DOCK1: variants seen among roughly 807,000 people sequenced by gnomAD.
The protein encoded by DOCK1 is dedicator of cytokinesis 1.
A neutral mutation model predicts 262.7 loss-of-function variants in DOCK1; 138 were observed. That is an observed-to-expected ratio of 0.53 (90% CI 0.46 to 0.61). The LOEUF is 0.61. Ranked by LOEUF, DOCK1 falls within the 20% of genes least tolerant of loss-of-function variation. The pLI, the probability that DOCK1 is intolerant of heterozygous loss-of-function variation, is 0.00. For synonymous variants in DOCK1, 866 were observed against 867.4 expected, an observed-to-expected ratio of 1.00 and a Z score of 0.03; for missense variants, 1,908 against 2,370.7, an observed-to-expected ratio of 0.80 and a Z score of 4.05.
At chr10:127,303,275 A>T (rs1347116691) in intron 29 of DOCK1, among the ~76,000 whole-genome samples, 1 of 152,158 alleles carries the variant, frequency 6.6e-6, no homozygotes, top group African/African-American at 2.4e-5. Context: ...ACCTAATAGG[A>T]TTCTTCCTGA....
intron 18 of DOCK1, 132 bp downstream of exon 18, chr10:127,032,452 G>A: frequency 2.1e-6 from 2 of 956,064 alleles, no homozygotes; most frequent in South Asian, 4.1e-5. Context: ...ATTGCATCGG[G>A]CTGTGATGAT....
intron 4 of DOCK1, among the ~76,000 whole-genome samples, chr10:126,986,063 A>G (rs867282482): frequency 6.6e-6 from 1 of 152,088 alleles, no homozygotes; most frequent in African/African-American, 2.4e-5. Context: ...CATGTTGGCC[A>G]GGCTGGTCTC....
chr10:126,911,113 A>G (rs12255520), intron 1 of DOCK1, among the ~76,000 whole-genome samples: 4,507 of 152,270 alleles, frequency 0.03, 232 homozygotes, highest in African/African-American at 0.1. Context: ...GCTTTTTAAG[A>G]AACTGCCAAA....
At chr10:127,310,531 G>T (rs1383717286) in intron 29 of DOCK1, among the ~76,000 whole-genome samples, 2 of 152,192 alleles carry the variant, frequency 1.3e-5, no homozygotes, top group East Asian at 1.9e-4. Flanking sequence ...CTTAAACTGT[G>T]CATTTTGTAA....
At chr10:127,321,846 T>C (rs567219940) in intron 29 of DOCK1, among the ~76,000 whole-genome samples, 2 of 152,116 alleles carry the variant, frequency 1.3e-5, no homozygotes, top group South Asian at 2.1e-4. Flanking sequence ...CTCACACCTG[T>C]AATCCCAGCA....
At chr10:127,336,747 G>A (rs1438039295) in intron 29 of DOCK1, among the ~76,000 whole-genome samples, 1 of 152,022 alleles carries the variant, frequency 6.6e-6, no homozygotes, top group Non-Finnish European at 1.5e-5. Flanking sequence ...CACTGTGTTA[G>A]CCAGGATGGT....
At chr10:127,386,633 G>T (rs1387171668) in intron 38 of DOCK1, among the ~76,000 whole-genome samples, 1 of 151,854 alleles carries the variant, frequency 6.6e-6, no homozygotes, top group Non-Finnish European at 1.5e-5. Flanking sequence ...CTAGTTGCAA[G>T]AAAACAAGTT....
chr10:127,035,875 A>G (rs866356296), intron 18 of DOCK1, among the ~76,000 whole-genome samples: 7 of 151,998 alleles, frequency 4.6e-5, no homozygotes, highest in Middle Eastern at 3.4e-3. Context: ...GGTGGCGTGC[A>G]CCTGTAGCCC....
chr10:127,179,491 G>A (rs2055512131), intron 27 of DOCK1, among the ~76,000 whole-genome samples: 1 of 152,196 alleles, frequency 6.6e-6, no homozygotes, highest in South Asian at 2.1e-4. Flanking sequence ...AGGAATTTTT[G>A]TGGCTGGTTT....
chr10:127,094,169 G>A (rs1336842387), intron 23 of DOCK1, among the ~76,000 whole-genome samples: 1 of 152,182 alleles, frequency 6.6e-6, no homozygotes, highest in Non-Finnish European at 1.5e-5. Flanking sequence ...ACTCCAGCCT[G>A]GGCGACGGAG....
chr10:127,425,234 C>T (rs775474138), intron 46 of DOCK1, among the ~76,000 whole-genome samples: 1 of 152,142 alleles, frequency 6.6e-6, no homozygotes, highest in Non-Finnish European at 1.5e-5. Flanking sequence ...TTCCTTCTCC[C>T]ACCCCACAAC....
chr10:127,359,713 A>G (rs1011710067), intron 32 of DOCK1, among the ~76,000 whole-genome samples: 5 of 152,242 alleles, frequency 3.3e-5, no homozygotes, highest in African/African-American at 9.6e-5. Context: ...TTTTGTGTGT[A>G]TGTCCACCCA....
intron 27 of DOCK1, among the ~76,000 whole-genome samples, chr10:127,230,949 G>GT (rs1490504616): frequency 1.3e-5 from 2 of 151,822 alleles, no homozygotes; most frequent in African/African-American, 4.8e-5. Context: ...TGAACATAAG[G>GT]TATCTTCCAT....
intron 1 of DOCK1, among the ~76,000 whole-genome samples, chr10:126,955,853 G>A (rs1039283839): frequency 6.6e-6 from 1 of 152,112 alleles, no homozygotes; most frequent in African/African-American, 2.4e-5. Context: ...TTATCAAGCA[G>A]TTAACTAAGG....
At chr10:127,214,529 T>C (rs2058119448) in intron 27 of DOCK1, among the ~76,000 whole-genome samples, 1 of 152,242 alleles carries the variant, frequency 6.6e-6, no homozygotes, top group Admixed American at 6.5e-5. Flanking sequence ...CCATTCGTTT[T>C]CTTAGCTGAA....
chr10:127,304,514 A>G (rs931631994), intron 29 of DOCK1, among the ~76,000 whole-genome samples: 4 of 152,204 alleles, frequency 2.6e-5, no homozygotes, highest in Non-Finnish European at 4.4e-5. Context: ...CACAGAGACA[A>G]TAAGTTAGCT....
Position 127,451,427 on chromosome 10 carries a change from A to ACAT in DOCK1, c.*1_*2insATC. The ACAT allele has an allele frequency of 6.4e-7, 1 of 1,573,540 alleles. No homozygotes were observed. The highest frequency in any genetic ancestry group is 1.7e-4 in the Middle Eastern group (1 of 6,024). On this transcript the variant is annotated 3_prime_UTR_variant, in exon 52 of 52. Transcript: ENST00000623213. ...CGGTGGACTCCGGGATCGTGCAGTG[A>ACAT]CGTCGCAAGCCTCTCTGGAAAGAGT...
intron 1 of DOCK1, among the ~76,000 whole-genome samples, chr10:126,937,787 C>G (rs2034654749): frequency 6.6e-6 from 1 of 152,082 alleles, no homozygotes; most frequent in Non-Finnish European, 1.5e-5. Flanking sequence ...TTATCCCATT[C>G]TGTGGTGTTG....
chr10:127,409,465 AC>A, intron 42 of DOCK1, 74 bp downstream of exon 42: 3 of 1,498,200 alleles, frequency 2.0e-6, no homozygotes, highest in Non-Finnish European at 2.8e-6. Flanking sequence ...TAATAATTCC[AC>A]CTTTTAAAGG....
Sources: gnomAD v4.1 joint callset for allele counts (sites outside exome capture counted in the v4.1 genomes callset) on GRCh38, gnomAD v4.1.1 for gene constraint, MANE v1.5 for transcripts, NCBI Gene and HGNC (gene_info 2026-07-23, HGNC 2026-07-21) for gene names.